The following ITK variants were observed in gnomAD, a reference collection of about 807,000 sequenced individuals.
ITK encodes tyrosine-protein kinase ITK/TSK.
A neutral mutation model predicts 87.6 loss-of-function variants in ITK; 45 were observed. The observed-to-expected ratio is 0.51, with a 90% CI of 0.40 to 0.66. The LOEUF (loss-of-function observed/expected upper bound fraction) is 0.66, where lower values mean the gene tolerates loss of function less well. ITK is among the 30% of genes least tolerant of loss of function. The pLI, the probability that ITK is intolerant of heterozygous loss-of-function variation, is 0.00. For missense variants in ITK, 605 were observed against 766.3 expected (o/e 0.79, Z 2.48); for synonymous variants, 303 against 273.6 (o/e 1.11, Z -1.06).
rs143572505 is a variant in ITK, at chr5:157,247,953, G to GT, written c.1634-896dup. Among the ~76,000 whole-genome samples, 172 of 152,294 alleles carry GT rather than the reference G, an allele frequency of 1.1e-3. 2 individuals carry two copies. The highest frequency in any genetic ancestry group is 3.7e-3 in the African/African-American group (154 of 41,552). ...AAAAAAATTTTCACTAAAAATTATG[G>GT]TGTCTTGGGGTGATAAGCATTCTTA... On this transcript the variant is annotated intron_variant, in intron 15 of 16. Coordinates refer to ENST00000422843, the MANE Select transcript of ITK (RefSeq NM_005546.4).
chr5:157,242,974 T>C (rs1754942903), intron 11 of ITK, among the ~76,000 whole-genome samples: 1 of 152,096 alleles, frequency 6.6e-6, no homozygotes, highest in Admixed American at 6.5e-5. Flanking sequence ...GGGGAAAGAG[T>C]GCCTCTTTAG....
At chr5:157,240,308 CA>C (rs1754863529) in intron 10 of ITK, 113 bp downstream of exon 10, 7 of 994,036 alleles carry the variant, frequency 7.0e-6, no homozygotes, top group Non-Finnish European at 1.1e-5. Context: ...ATTAGATTCT[CA>C]TAAGAGTGCA....
chr5:157,185,838 G>A (rs1753631413), intron 1 of ITK, among the ~76,000 whole-genome samples: 1 of 151,960 alleles, frequency 6.6e-6, no homozygotes, highest in Admixed American at 6.6e-5. Context: ...GCTGAGACCT[G>A]GTCTCAAAAA....
At chr5:157,244,073 C>A in intron 12 of ITK, 189 bp from the exon 13 acceptor site, 2 of 689,432 alleles carry the variant, frequency 2.9e-6, no homozygotes, top group Non-Finnish European at 2.6e-6. Context: ...ACACACACAG[C>A]TGACTCCTTG....
chr5:157,222,672 ACCT>A, intron 5 of ITK, 188 bp from the exon 6 acceptor site: 1 of 623,876 alleles, frequency 1.6e-6, no homozygotes, highest in African/African-American at 1.8e-5. Context: ...GTCAGAATTT[ACCT>A]CATAGAATGA....
chr5:157,208,595 A>C (rs1287903176), intron 1 of ITK, among the ~76,000 whole-genome samples: 2 of 152,172 alleles, frequency 1.3e-5, no homozygotes, highest in Non-Finnish European at 2.9e-5. Flanking sequence ...CTCAGCTACA[A>C]GTTCTGCCAA....
intron 7 of ITK, among the ~76,000 whole-genome samples, chr5:157,231,873 A>G (rs1754660624): frequency 6.6e-6 from 1 of 152,252 alleles, no homozygotes. Flanking sequence ...GATATTTGCT[A>G]AACTTTCAAA....
chr5:157,210,841 A>G (rs1232282663), intron 2 of ITK, among the ~76,000 whole-genome samples: 1 of 151,680 alleles, frequency 6.6e-6, no homozygotes, highest in African/African-American at 2.4e-5. Context: ...AGTAGGTGAA[A>G]AGTACACAGG....
At chr5:157,241,912 T>A (rs1384158259) in intron 11 of ITK, among the ~76,000 whole-genome samples, 192 bp downstream of exon 11, 1 of 152,214 alleles carries the variant, frequency 6.6e-6, no homozygotes, top group East Asian at 1.9e-4. Context: ...ACAAGCACAT[T>A]TCTCTAGGTC....
At chr5:157,230,026 T>C (rs1754618525) in intron 7 of ITK, among the ~76,000 whole-genome samples, 1 of 152,226 alleles carries the variant, frequency 6.6e-6, no homozygotes, top group South Asian at 2.1e-4. Context: ...TATACATTAT[T>C]GGGACAACCG....
At position 157,254,500 on chromosome 5, in the gene ITK, TAA is replaced by T. The variant is rs1755212965; in HGVS notation, c.*1823_*1824del. 4.5e-6 allele frequency: 1 copy of T among 220,310 alleles called. No individual in the cohort carries two copies. Among genetic ancestry groups the T allele is most frequent in the South Asian group, 1.8e-4 (1 of 5,430 alleles). The allele number at this position is 220,310 out of a possible 1,614,324, so 13.6% of individuals were successfully genotyped here. A position where few individuals can be genotyped will look rare whatever the true frequency, so the allele number is the denominator to read the frequency against. On this transcript the variant is annotated 3_prime_UTR_variant, in exon 17 of 17. Transcript: ENST00000422843. ...TCATGAGGAGGGACATTCCCTGATA[TAA>T]GAGAGGATGGTGTTGCAATTGGCTC... is the stretch of plus-strand genomic sequence containing the variant.
chr5:157,245,966 C>T lies in ITK; in HGVS notation c.1600C>T (p.Arg534Cys), dbSNP rs1755013015. The T allele has an allele frequency of 3.1e-6, 5 of 1,613,846 alleles. No homozygotes were observed. Among genetic ancestry groups the T allele is most frequent in the South Asian group, 1.1e-5 (1 of 91,060 alleles). The change falls in exon 15 of 17, where the codon CGC (arginine) becomes TGC (cysteine). Residue 534 changes from arginine to cysteine, a missense_variant. Arg to Cys is a radical substitution (Grantham distance 180). This residue lies in a region of ITK where 70 missense variants were observed against 122.5 expected (regional missense o/e 0.57). Transcript: ENST00000422843. ...WASPEVFSFS[R>C]YSSKSDVWSF... ...ATCCCCAGAGGTTTTCTCTTTCAGT[C>T]GCTATAGCAGCAAGTCCGATGTGTG...
chr5:157,196,062 G>A (rs888631065), intron 1 of ITK, among the ~76,000 whole-genome samples: 3 of 152,134 alleles, frequency 2.0e-5, no homozygotes, highest in African/African-American at 7.2e-5. Flanking sequence ...ACATCTAGTG[G>A]GTAGAAGCTG....
In ITK at chr5:157,209,128, G is replaced by A. The variant is rs1580885549; in HGVS notation, c.243+135G>A. On this transcript the variant is annotated intron_variant, in intron 2 of 16. Coordinates refer to ENST00000422843, the MANE Select transcript of ITK (RefSeq NM_005546.4). ...AGGCAGGCAGATCACGAGGTCAGGAGTTCAAGACCAGCCTGGCCAACATGA... is the reference window on the plus strand; with the variant it reads ...AGGCAGGCAGATCACGAGGTCAGGAATTCAAGACCAGCCTGGCCAACATGA... 3.2e-5 allele frequency: 23 copies of A among 708,686 alleles called. 1 individual carries two copies. In the East Asian group the frequency reaches 6.3e-4, roughly 20 times the overall value. 43.9% of individuals were successfully genotyped at this position (708,686 alleles called of 1,614,324 possible). A position where few individuals can be genotyped will look rare whatever the true frequency, so the allele number is the denominator to read the frequency against.
intron 7 of ITK, 86 bp downstream of exon 7, chr5:157,228,447 T>C: frequency 1.2e-6 from 1 of 804,404 alleles, no homozygotes; most frequent in Non-Finnish European, 2.2e-6. Flanking sequence ...ACTGTAAAAA[T>C]ACCAGATGAT....
intron 1 of ITK, among the ~76,000 whole-genome samples, chr5:157,206,225 G>T (rs900132910): frequency 3.3e-5 from 5 of 152,100 alleles, no homozygotes; most frequent in Non-Finnish European, 7.4e-5. Context: ...AAAGTGCTAG[G>T]ATTACAGGCA....
chr5:157,245,480 T>C (rs550645066), intron 13 of ITK: 1 of 580,290 alleles, frequency 1.7e-6, no homozygotes, highest in South Asian at 2.0e-5. Context: ...ACACCAAGGA[T>C]TTCTAATTAG....
chr5:157,240,250 G>A (rs78723238), intron 10 of ITK, 55 bp downstream of exon 10: 1 of 1,537,712 alleles, frequency 6.5e-7, no homozygotes, highest in Non-Finnish European at 9.0e-7. Context: ...TGAGCAGCAG[G>A]TGAGCAAGCA....
intron 16 of ITK, among the ~76,000 whole-genome samples, chr5:157,252,239 T>C (rs1755155694): frequency 6.6e-6 from 1 of 152,240 alleles, no homozygotes. Context: ...TTTCATTTTT[T>C]GGTGTTCTTT....
Sources: gnomAD v4.1 joint callset for allele counts (sites outside exome capture counted in the v4.1 genomes callset) on GRCh38, gnomAD v4.1.1 for gene constraint, gnomAD v4.1.1 regional missense constraint, MANE v1.5 for transcripts, NCBI Gene and HGNC (gene_info 2026-07-23, HGNC 2026-07-21) for gene names.